LARGE1: variants seen among roughly 807,000 people sequenced by gnomAD.
LARGE1 encodes LARGE xylosyl- and glucuronyltransferase 1.
LARGE1 carries 43 observed loss-of-function variants against 87.6 expected under a neutral mutation model. That is an observed-to-expected ratio of 0.49 (90% CI 0.38 to 0.63). The LOEUF (loss-of-function observed/expected upper bound fraction) is 0.63. Among genes scored for constraint, LARGE1 ranks in the 30% least tolerant of loss-of-function variants. The pLI, the probability that LARGE1 is intolerant of heterozygous loss-of-function variation, is 0.00. For synonymous variants in LARGE1, 434 were observed against 394.6 expected (o/e 1.10, Z -1.18); for missense variants, 802 against 1,000.2 (o/e 0.80, Z 2.67).
intron 12 of LARGE1, among the ~76,000 whole-genome samples, chr22:33,299,654 C>T (rs534722804): frequency 2.0e-5 from 3 of 152,246 alleles, no homozygotes; most frequent in African/African-American, 4.8e-5. Flanking sequence ...GCTGGGCACC[C>T]GCCATAGCCC....
intron 11 of LARGE1, among the ~76,000 whole-genome samples, chr22:33,241,657 T>C (rs1215118086): frequency 6.6e-6 from 1 of 151,986 alleles, no homozygotes; most frequent in Non-Finnish European, 1.5e-5. Flanking sequence ...TGTGTGTATA[T>C]GTGTGTGTGT....
At chr22:33,874,500 T>C (rs1242334284) in intron 1 of LARGE1, among the ~76,000 whole-genome samples, 1 of 152,256 alleles carries the variant, frequency 6.6e-6, no homozygotes, top group Non-Finnish European at 1.5e-5. Flanking sequence ...ACTGCAGCTA[T>C]GTTTATTATT....
chr22:33,496,744 C>G (rs1275197980), intron 6 of LARGE1, among the ~76,000 whole-genome samples: 1 of 152,220 alleles, frequency 6.6e-6, no homozygotes. Context: ...GCCCAGAAAA[C>G]AGTTTTCAGA....
intron 1 of LARGE1, among the ~76,000 whole-genome samples, chr22:33,848,844 G>A (rs564001840): frequency 3.3e-4 from 50 of 152,190 alleles, no homozygotes; most frequent in Admixed American, 5.2e-4. Context: ...ATGCCTCTTC[G>A]GGTCTGTAGA....
chr22:33,535,238 G>A (rs1451336301), intron 6 of LARGE1, among the ~76,000 whole-genome samples: 2 of 152,168 alleles, frequency 1.3e-5, no homozygotes, highest in Non-Finnish European at 2.9e-5. Flanking sequence ...CTGATGCTGT[G>A]GGTCCAAGAG....
At chr22:33,214,211 T>C (rs550263672) in intron 11 of LARGE1, among the ~76,000 whole-genome samples, 8 of 152,258 alleles carry the variant, frequency 5.3e-5, no homozygotes, top group African/African-American at 1.7e-4. Context: ...GGTGTTTACA[T>C]GGTTCCTTTC....
At chr22:33,910,307 C>T (rs1052497531) in intron 1 of LARGE1, among the ~76,000 whole-genome samples, 1 of 152,158 alleles carries the variant, frequency 6.6e-6, no homozygotes, top group African/African-American at 2.4e-5. Flanking sequence ...AACGTACTCA[C>T]AGCCTCTAAT....
intron 11 of LARGE1, among the ~76,000 whole-genome samples, chr22:33,259,042 T>C (rs1374134876): frequency 1.3e-5 from 2 of 152,034 alleles, no homozygotes; most frequent in African/African-American, 4.8e-5. Context: ...CACACCTGGC[T>C]AATATATTTG....
At chr22:33,393,898 T>C (rs149226561) in intron 7 of LARGE1, among the ~76,000 whole-genome samples, 394 of 152,324 alleles carry the variant, frequency 2.6e-3, no homozygotes, top group Admixed American at 5.4e-3. Context: ...CAAAGGATTC[T>C]CTCATGAACA....
chr22:33,902,479 G>A (rs1366410355), intron 1 of LARGE1, among the ~76,000 whole-genome samples: 2 of 152,278 alleles, frequency 1.3e-5, no homozygotes, highest in East Asian at 1.9e-4. Flanking sequence ...GCCTAGGGAG[G>A]TGAAAGGTCC....
At chr22:33,152,653 T>G in the LARGE1 span, among the ~76,000 whole-genome samples, 1 of 152,164 alleles carries the variant, frequency 6.6e-6, no homozygotes, top group Admixed American at 6.5e-5. Context: ...ATGAGATATT[T>G]TGGTATACAT....
intron 1 of LARGE1, among the ~76,000 whole-genome samples, chr22:33,786,192 T>C (rs1039513814): frequency 1.3e-5 from 2 of 152,232 alleles, no homozygotes; most frequent in African/African-American, 4.8e-5. Flanking sequence ...GCTTTCCAAG[T>C]TCTAATAAGG....
intron 13 of LARGE1, among the ~76,000 whole-genome samples, chr22:33,280,962 C>T (rs1205918529): frequency 6.6e-6 from 1 of 152,176 alleles, no homozygotes; most frequent in East Asian, 1.9e-4. Context: ...GGTCCAGGGA[C>T]CGCATTCTGG....
At chr22:33,229,522 T>C (rs1925900124) in intron 11 of LARGE1, among the ~76,000 whole-genome samples, 1 of 152,046 alleles carries the variant, frequency 6.6e-6, no homozygotes, top group African/African-American at 2.4e-5. Flanking sequence ...ATGGTAGATG[T>C]AAATAGATTA....
chr22:33,722,204 G>C (rs761785397), intron 2 of LARGE1, among the ~76,000 whole-genome samples: 1 of 151,674 alleles, frequency 6.6e-6, no homozygotes, highest in Non-Finnish European at 1.5e-5. Flanking sequence ...AATGAGCCGA[G>C]ATCACGCCAC....
At chr22:33,240,645 A>T (rs1396951606) in intron 11 of LARGE1, among the ~76,000 whole-genome samples, 2 of 152,200 alleles carry the variant, frequency 1.3e-5, no homozygotes, top group Admixed American at 6.5e-5. Context: ...TTTGCTTTTT[A>T]AAAATTTTGT....
intron 1 of LARGE1, among the ~76,000 whole-genome samples, chr22:33,765,707 C>CAAAAAAAAAAA (rs33943950): frequency 4.3e-5 from 3 of 69,912 alleles, no homozygotes; most frequent in African/African-American, 1.2e-4. Flanking sequence ...CTCCATCTCA[C>CAAAAAAAAAAA]AAAAAAAAAA....
intron 1 of LARGE1, among the ~76,000 whole-genome samples, chr22:33,805,813 T>C (rs5999108): frequency 0.46 from 69,234 of 151,968 alleles, 17,854 homozygotes; most frequent in African/African-American, 0.7. Context: ...ATACCTAACA[T>C]GTCCTATTTC....
chr22:33,861,920 AT>A (rs2063937597), intron 1 of LARGE1, among the ~76,000 whole-genome samples: 1 of 137,790 alleles, frequency 7.3e-6, no homozygotes, highest in Non-Finnish European at 1.5e-5. Context: ...CTGGAGTGGC[AT>A]GATCTCAGCT....
Sources: gnomAD v4.1 joint callset for allele counts (sites outside exome capture counted in the v4.1 genomes callset) on GRCh38, gnomAD v4.1.1 for gene constraint, MANE v1.5 for transcripts, NCBI Gene and HGNC (gene_info 2026-07-23, HGNC 2026-07-21) for gene names.